Variants in ACSM2B observed in about 807,000 individuals in gnomAD.
ACSM2B encodes acyl-CoA synthetase medium chain family member 2B.
A neutral mutation model predicts 78.6 loss-of-function variants in ACSM2B; 58 were observed. The observed-to-expected ratio is 0.74, with a 90% confidence interval of 0.60 to 0.92. The LOEUF (loss-of-function observed/expected upper bound fraction) is 0.92. Ranked by LOEUF, ACSM2B falls within the 40% of genes least tolerant of loss-of-function variation. ACSM2B has a pLI of 0.00. For missense variants in ACSM2B, 688 were observed against 711.2 expected (o/e 0.97, Z 0.37); for synonymous variants, 257 against 256.8 (o/e 1.00, Z -0.01).
At chr16:20,545,123 T>A (rs537994586) in intron 10 of ACSM2B, 34 bp downstream of exon 10, 1 of 1,595,266 alleles carries the variant, frequency 6.3e-7, no homozygotes, top group Non-Finnish European at 8.6e-7. Context: ...CCATCCTCAC[T>A]GGGGAACAGA....
chr16:20,558,097 C>G (rs907481267), intron 3 of ACSM2B, among the ~76,000 whole-genome samples: 1 of 152,166 alleles, frequency 6.6e-6, no homozygotes. Context: ...CCAGAGGTCA[C>G]AAGATTTGTA....
chr16:20,552,171 T>A lies in ACSM2B; in HGVS notation c.867A>T (p.Pro289=). 6.2e-7 allele frequency: 1 copy of A among 1,613,384 alleles called. No homozygotes were observed. Among genetic ancestry groups the A allele is most frequent in the Non-Finnish European group, 8.5e-7 (1 of 1,179,600 alleles). The change falls in exon 6 of 14, where the codon CCA becomes CCT. Residue 289 remains proline, a synonymous_variant. Coordinates refer to ENST00000329697, the MANE Select transcript of ACSM2B (RefSeq NM_001105069.2). The part of the protein sequence containing the change: ...LGACTFVHLL[P]KFDPLVILKT... ...TTAGAATAACCAGTGGGTCAAACTT[T>A]GGCAAGAGATGAACAAATGTGCATG...
At chr16:20,539,013 C>G (rs1038811813) in intron 13 of ACSM2B, among the ~76,000 whole-genome samples, 10 of 152,214 alleles carry the variant, frequency 6.6e-5, no homozygotes, top group African/African-American at 1.2e-4. Context: ...CCCAGGGCAG[C>G]CTACATCCAT....
chr16:20,574,880 T>A (rs1480336542), intron 1 of ACSM2B, among the ~76,000 whole-genome samples: 4 of 150,374 alleles, frequency 2.7e-5, no homozygotes, highest in Non-Finnish European at 4.4e-5. Context: ...AATCCCCGAG[T>A]TCATCATTTT....
intron 5 of ACSM2B, 57 bp downstream of exon 5, chr16:20,553,720 G>C: frequency 6.3e-7 from 1 of 1,582,226 alleles, no homozygotes; most frequent in South Asian, 1.1e-5. Context: ...TTTGAACTCA[G>C]AAACGTCTTC....
chr16:20,550,840 G>C (rs1304550594), intron 6 of ACSM2B, among the ~76,000 whole-genome samples: 1 of 151,996 alleles, frequency 6.6e-6, no homozygotes, highest in African/African-American at 2.4e-5. Context: ...TGCAGTTTGT[G>C]GGTCTTATTT....
chr16:20,547,391 T>G, intron 8 of ACSM2B: 1 of 985,198 alleles, frequency 1.0e-6, no homozygotes, highest in Non-Finnish European at 1.2e-6. Flanking sequence ...CCAAGGGTAC[T>G]CATTAGCTAA....
At chr16:20,561,444 G>A (rs1258909384) in intron 2 of ACSM2B, among the ~76,000 whole-genome samples, 2 of 151,248 alleles carry the variant, frequency 1.3e-5, no homozygotes, top group Admixed American at 1.3e-4. Flanking sequence ...GTGGGGAAGT[G>A]CCATGTATGT....
intron 1 of ACSM2B, among the ~76,000 whole-genome samples, chr16:20,567,530 A>G (rs1423117248): frequency 1.6e-5 from 2 of 124,982 alleles, no homozygotes; most frequent in African/African-American, 6.3e-5. Flanking sequence ...AAATTATATA[A>G]ATAGTATATA....
In ACSM2B at chr16:20,555,590, A is replaced by G. The variant is rs536418007; in HGVS notation, c.389-114T>C. ...TGGGGAAGGAGAGGATGGGGAAGTA[A>G]TGACCAATGGAGAACGTCAATAAAA... On this transcript the variant is annotated intron_variant, in intron 3 of 13. Transcript: ENST00000329697. 1.6e-5 allele frequency: 24 copies of G among 1,529,390 alleles called. No homozygotes were observed. In the African/African-American group the frequency reaches 2.2e-4, roughly 14 times the overall value. The allele number at this position is 1,529,390 out of a possible 1,614,324, so 94.7% of individuals were successfully genotyped here.
At chr16:20,564,944 A>G in intron 1 of ACSM2B, 91 bp from the exon 2 acceptor site, 10 of 1,496,730 alleles carry the variant, frequency 6.7e-6, no homozygotes, top group Non-Finnish European at 8.9e-6. Flanking sequence ...TCCCAACCTT[A>G]TAGGATTCTT....
intron 6 of ACSM2B, among the ~76,000 whole-genome samples, chr16:20,549,031 CATTTA>C (rs1456816420): frequency 6.6e-6 from 1 of 152,166 alleles, no homozygotes; most frequent in Non-Finnish European, 1.5e-5. Context: ...TGTGTTACCT[CATTTA>C]ATTTTTCCAA....
intron 6 of ACSM2B, among the ~76,000 whole-genome samples, chr16:20,550,451 T>C (rs374759189): frequency 6.6e-6 from 1 of 152,170 alleles, no homozygotes; most frequent in Non-Finnish European, 1.5e-5. Context: ...CTCCAACCTA[T>C]ATTTTCCTAA....
Position 20,566,688 on chromosome 16 carries a change from ACTATATATAG to A in ACSM2B, c.-8-1845_-8-1836del, listed in dbSNP as rs2015873102. Among the ~76,000 whole-genome samples, 6 of 4,502 alleles carry A rather than the reference ACTATATATAG, an allele frequency of 1.3e-3. 1 individual carries two copies. Among genetic ancestry groups the A allele is most frequent in the African/African-American group, 3.5e-3 (6 of 1,728 alleles). The allele number at this position is 4,502 out of a possible 152,430, so 3.0% of individuals were successfully genotyped here. A position where few individuals can be genotyped will look rare whatever the true frequency, so the allele number is the denominator to read the frequency against. ...TATATAGTATATACATATAGTATAT[ACTATATATAG>A]TATATATATAGTATATATAGTATAT... On this transcript the variant is annotated intron_variant, in intron 1 of 13. Transcript: ENST00000329697.
chr16:20,549,678 G>A, intron 6 of ACSM2B: 1 of 403,304 alleles, frequency 2.5e-6, no homozygotes, highest in Non-Finnish European at 4.8e-6. Flanking sequence ...CCCTCAGGAG[G>A]TCCTGAGAAC....
In ACSM2B at chr16:20,542,992, C is replaced by T. The variant is rs2152132263; in HGVS notation, c.1431G>A (p.Glu477=). The change falls in exon 12 of 14, where the codon GAG becomes GAA. Residue 477 remains glutamate, a synonymous_variant. Coordinates refer to ENST00000329697, the MANE Select transcript of ACSM2B (RefSeq NM_001105069.2). ...GGTGCTTCATCAGTGCATTCTCTAC[C>T]TCCGAGGGTCCAATCCGGTACCTGC... ...NSSGYRIGPS[E]VENALMKHPA... 1.2e-6 allele frequency: 2 copies of T among 1,613,664 alleles called. No individual in the cohort carries two copies. Among genetic ancestry groups the T allele is most frequent in the East Asian group, 4.5e-5 (2 of 44,884 alleles).
At chr16:20,550,803 C>T (rs1383008643) in intron 6 of ACSM2B, among the ~76,000 whole-genome samples, 1 of 152,076 alleles carries the variant, frequency 6.6e-6, no homozygotes, top group Non-Finnish European at 1.5e-5. Flanking sequence ...ATTTTCATTG[C>T]TTTGTTGCTA....
At chr16:20,567,975 T>C (rs1278191529) in intron 1 of ACSM2B, among the ~76,000 whole-genome samples, 1 of 143,484 alleles carries the variant, frequency 7.0e-6, no homozygotes. Flanking sequence ...ATTTTATATA[T>C]AAAATATTCA....
intron 10 of ACSM2B, among the ~76,000 whole-genome samples, 167 bp from the exon 11 acceptor site, chr16:20,543,429 G>T (rs1567205819): frequency 6.6e-6 from 1 of 152,214 alleles, no homozygotes; most frequent in Non-Finnish European, 1.5e-5. Context: ...GCCACAGGCA[G>T]AACTGGATTT....
Sources: gnomAD v4.1 joint callset for allele counts (sites outside exome capture counted in the v4.1 genomes callset) on GRCh38, gnomAD v4.1.1 for gene constraint, MANE v1.5 for transcripts, NCBI Gene and HGNC (gene_info 2026-07-23, HGNC 2026-07-21) for gene names.